METTL15: variants seen among roughly 807,000 people sequenced by gnomAD.
METTL15 encodes methyltransferase 15, mitochondrial 12S rRNA N4-cytidine.
A neutral mutation model predicts 38.3 loss-of-function variants in METTL15; 34 were observed. The observed-to-expected ratio is 0.89, with a 90% CI of 0.68 to 1.18. The LOEUF (loss-of-function observed/expected upper bound fraction) is 1.18, where lower values mean the gene tolerates loss of function less well. Among genes scored for constraint, METTL15 ranks in the 50% most tolerant of loss-of-function variants. METTL15 has a pLI of 0.00. For synonymous variants in METTL15, 162 were observed against 170.9 expected, an observed-to-expected ratio of 0.95 and a Z score of 0.41; for missense variants, 438 against 498.4, an observed-to-expected ratio of 0.88 and a Z score of 1.15.
At chr11:28,183,961 C>T (rs953450197) in intron 3 of METTL15, among the ~76,000 whole-genome samples, 2 of 151,996 alleles carry the variant, frequency 1.3e-5, no homozygotes. Context: ...TTCAGGGATT[C>T]AACTTCTTCG....
intron 6 of METTL15, among the ~76,000 whole-genome samples, chr11:28,449,582 C>A (rs1306239353): frequency 6.6e-6 from 1 of 152,108 alleles, no homozygotes; most frequent in Non-Finnish European, 1.5e-5. Flanking sequence ...GCTGCATATT[C>A]TTTGATCGTC....
At chr11:28,238,380 G>A (rs766518700) in intron 4 of METTL15, among the ~76,000 whole-genome samples, 4 of 152,160 alleles carry the variant, frequency 2.6e-5, no homozygotes, top group Admixed American at 2.0e-4. Context: ...AGCAATCAGC[G>A]AGACTCCGTG....
intron 5 of METTL15, among the ~76,000 whole-genome samples, chr11:28,407,273 C>A (rs761473980): frequency 6.6e-6 from 1 of 152,068 alleles, no homozygotes; most frequent in African/African-American, 2.4e-5. Context: ...ATGATGAAAA[C>A]GTCAAAAGTA....
chr11:28,388,313 A>G (rs1336351581), intron 5 of METTL15, among the ~76,000 whole-genome samples: 5 of 152,160 alleles, frequency 3.3e-5, no homozygotes, highest in Non-Finnish European at 5.9e-5. Flanking sequence ...AGAAAACAAT[A>G]AAGATTCCAC....
At chr11:28,264,264 C>A (rs547751837) in intron 4 of METTL15, among the ~76,000 whole-genome samples, 1 of 152,196 alleles carries the variant, frequency 6.6e-6, no homozygotes, top group East Asian at 1.9e-4. Context: ...TATTGCAATT[C>A]ACTTTTACTC....
chr11:28,441,268 A>G (rs10835335), intron 6 of METTL15, among the ~76,000 whole-genome samples: 64,093 of 151,650 alleles, frequency 0.42, 14,929 homozygotes, highest in Admixed American at 0.54. Context: ...TAGTAGAGAC[A>G]GGGTTTCACC....
intron 5 of METTL15, among the ~76,000 whole-genome samples, chr11:28,386,162 C>G (rs899558222): frequency 6.6e-6 from 1 of 151,656 alleles, no homozygotes; most frequent in Non-Finnish European, 1.5e-5. Context: ...AAAAAATCAA[C>G]AAAACACAAA....
At chr11:28,211,934 T>G (rs1345802121) in intron 4 of METTL15, among the ~76,000 whole-genome samples, 1 of 151,990 alleles carries the variant, frequency 6.6e-6, no homozygotes. Context: ...AGATGGGAAC[T>G]TGAGAGGTAA....
chr11:28,209,631 AT>A (rs1852537548), intron 3 of METTL15, among the ~76,000 whole-genome samples: 1 of 151,912 alleles, frequency 6.6e-6, no homozygotes, highest in Non-Finnish European at 1.5e-5. Context: ...CCATCCTCCA[AT>A]TTTGATCAGA....
intron 4 of METTL15, among the ~76,000 whole-genome samples, chr11:28,247,691 T>C (rs759304493): frequency 1.4e-4 from 22 of 152,252 alleles, no homozygotes; most frequent in Admixed American, 4.6e-4. Flanking sequence ...TAAAAACTCA[T>C]TCTCTCGTTA....
intron 5 of METTL15, among the ~76,000 whole-genome samples, chr11:28,391,058 G>A (rs1276996476): frequency 2.0e-5 from 3 of 152,130 alleles, no homozygotes; most frequent in Non-Finnish European, 4.4e-5. Flanking sequence ...AAGAATGCTT[G>A]TGATTTTTGT....
intron 3 of METTL15, among the ~76,000 whole-genome samples, chr11:28,209,967 A>C (rs1009385930): frequency 6.6e-6 from 1 of 152,028 alleles, no homozygotes; most frequent in Non-Finnish European, 1.5e-5. Flanking sequence ...CATAACACCA[A>C]TGAAGTTTAC....
chr11:28,115,583 T>C (rs569463656), intron 3 of METTL15, among the ~76,000 whole-genome samples: 6 of 151,746 alleles, frequency 4.0e-5, no homozygotes, highest in Non-Finnish European at 8.8e-5. Flanking sequence ...ATATGTTATG[T>C]GTATTATATA....
intron 4 of METTL15, chr11:28,287,140 T>G (rs111285823): frequency 4.9e-4 from 76 of 154,306 alleles, no homozygotes; most frequent in African/African-American, 1.3e-3. Context: ...TGTATATATA[T>G]AGAGAGAGAG....
At chr11:28,488,151 A>C (rs1309239854) in intron 6 of METTL15, among the ~76,000 whole-genome samples, 1 of 152,168 alleles carries the variant, frequency 6.6e-6, no homozygotes, top group Non-Finnish European at 1.5e-5. Flanking sequence ...GAAATGAATT[A>C]TATTTCCCTG....
At chr11:28,152,129 C>T (rs1850111807) in intron 3 of METTL15, among the ~76,000 whole-genome samples, 1 of 151,974 alleles carries the variant, frequency 6.6e-6, no homozygotes, top group Admixed American at 6.6e-5. Flanking sequence ...ACTTTATATA[C>T]ATTTTAGACA....
intron 5 of METTL15, among the ~76,000 whole-genome samples, chr11:28,380,324 C>T (rs188151197): frequency 1.6e-4 from 24 of 152,044 alleles, no homozygotes; most frequent in South Asian, 4.2e-4. Flanking sequence ...CCTGCCATCA[C>T]GCCCGGCTAA....
intron 5 of METTL15, among the ~76,000 whole-genome samples, chr11:28,400,877 C>T (rs1850624308): frequency 6.6e-6 from 1 of 151,910 alleles, no homozygotes; most frequent in Admixed American, 6.6e-5. Flanking sequence ...TTGAATTGAA[C>T]AGAATTGAAA....
chr11:28,249,986 A>C (rs1854668977), intron 4 of METTL15, among the ~76,000 whole-genome samples: 1 of 151,874 alleles, frequency 6.6e-6, no homozygotes, highest in Non-Finnish European at 1.5e-5. Context: ...TTGGTTTTCT[A>C]TCCCTGAGTT....
Sources: gnomAD v4.1 joint callset for allele counts (sites outside exome capture counted in the v4.1 genomes callset) on GRCh38, gnomAD v4.1.1 for gene constraint, MANE v1.5 for transcripts, NCBI Gene and HGNC (gene_info 2026-07-23, HGNC 2026-07-21) for gene names.